The following CMTR1 variants were observed in gnomAD, a reference collection of about 807,000 sequenced individuals.
CMTR1 encodes cap methyltransferase 1.
In CMTR1, 39 loss-of-function variants were observed where a neutral mutation model predicts 107.0. The observed-to-expected ratio is 0.36, with a 90% CI of 0.28 to 0.48. The LOEUF is 0.48. Ranked by LOEUF, CMTR1 falls within the 20% of genes least tolerant of loss-of-function variation. CMTR1 has a pLI of 0.99. For missense variants in CMTR1, 672 were observed against 1,064.9 expected, an observed-to-expected ratio of 0.63 and a Z score of 5.14; for synonymous variants, 366 against 379.5, an observed-to-expected ratio of 0.96 and a Z score of 0.41.
upstream of CMTR1, among the ~76,000 whole-genome samples, chr6:37,430,536 T>C (rs1771347969): frequency 6.6e-6 from 1 of 152,110 alleles, no homozygotes; most frequent in Non-Finnish European, 1.5e-5. Context: ...CCTTTTATTT[T>C]GATGAACTCC....
chr6:37,479,009 G>A, intron 22 of CMTR1, 138 bp from the exon 23 acceptor site: 1 of 621,564 alleles, frequency 1.6e-6, no homozygotes, highest in Non-Finnish European at 2.9e-6. Context: ...GATGAAGGCT[G>A]CTGCCTCACG....
chr6:37,428,528 G>A (rs1315429587), upstream of CMTR1, among the ~76,000 whole-genome samples: 1 of 152,102 alleles, frequency 6.6e-6, no homozygotes, highest in East Asian at 1.9e-4. Flanking sequence ...TGTGATCTCT[G>A]CTTACTCCAA....
At chr6:37,462,783 G>A (rs1251287210) in intron 12 of CMTR1, 46 bp from the exon 13 acceptor site, 1 of 1,582,592 alleles carries the variant, frequency 6.3e-7, no homozygotes, top group African/African-American at 1.3e-5. Flanking sequence ...GGAATGTATG[G>A]GGAGGAAGCC....
At chr6:37,441,605 G>A (rs977486770) in intron 2 of CMTR1, among the ~76,000 whole-genome samples, 30 of 152,020 alleles carry the variant, frequency 2.0e-4, no homozygotes, top group African/African-American at 7.0e-4. Flanking sequence ...GTAGAGACAG[G>A]GTTTCTCCAT....
At chr6:37,468,059 G>C (rs1168822801) in intron 13 of CMTR1, among the ~76,000 whole-genome samples, 1 of 147,690 alleles carries the variant, frequency 6.8e-6, no homozygotes, top group Non-Finnish European at 1.5e-5. Flanking sequence ...TTTTGTGGGG[G>C]GGGGGACTAA....
chr6:37,430,977 C>A (rs1031121690), upstream of CMTR1, among the ~76,000 whole-genome samples: 3 of 141,640 alleles, frequency 2.1e-5, no homozygotes, highest in African/African-American at 5.4e-5. Context: ...TGTGCCACTG[C>A]ACTCCAGCCT....
At position 37,458,746 on chromosome 6, in the gene CMTR1, C is replaced by A. The variant is rs1478915621; in HGVS notation, c.912C>A (p.Gly304=). ...AGGGCTTTGGAATGACTTTGAAGGGCCCTAATGACTTCAAGCTGGAGGACT... is the reference window on the plus strand; with the variant it reads ...AGGGCTTTGGAATGACTTTGAAGGGACCTAATGACTTCAAGCTGGAGGACT... ...HAKGFGMTLK[G]PNDFKLEDFY... is the part of the protein sequence containing the mutation. The change falls in exon 9 of 24, where the codon GGC becomes GGA. Residue 304 remains glycine, a synonymous_variant. Transcript: ENST00000373451. This position sits in a 1 kb window ranked among gnomAD's most constrained non-coding sequence, Gnocchi z 4.7. 1.2e-6 allele frequency: 2 copies of A among 1,614,078 alleles called. No homozygotes were observed. Among genetic ancestry groups the A allele is most frequent in the Admixed American group, 1.7e-5 (1 of 60,018 alleles).
chr6:37,471,719 A>T, intron 14 of CMTR1, 128 bp from the exon 15 acceptor site: 4 of 717,258 alleles, frequency 5.6e-6, no homozygotes, highest in Non-Finnish European at 9.3e-6. Context: ...CAGTGGCAGC[A>T]TAGTGTCTGT....
rs751822397 is a variant in CMTR1, at chr6:37,451,888, G to A, written c.609+11G>A. ...GTGTTGCAGTGTAAGGTAAGGTCTT[G>A]TGGCTAGAACCAGATAATGAAAACC... On this transcript the variant is annotated intron_variant, in intron 6 of 23. Coordinates refer to ENST00000373451, the MANE Select transcript of CMTR1 (RefSeq NM_015050.3). The A allele has an allele frequency of 2.5e-6, 4 of 1,609,240 alleles. No homozygotes were observed. The highest frequency in any genetic ancestry group is 3.4e-6 in the Non-Finnish European group (4 of 1,176,994).
At chr6:37,438,278 A>T (rs1422570765) in intron 2 of CMTR1, among the ~76,000 whole-genome samples, 2 of 152,104 alleles carry the variant, frequency 1.3e-5, no homozygotes, top group East Asian at 3.9e-4. Flanking sequence ...TACTCGGGAG[A>T]CTGAGGTGGG....
At chr6:37,446,514 A>G in intron 4 of CMTR1, 65 bp downstream of exon 4, 1 of 1,544,458 alleles carries the variant, frequency 6.5e-7, no homozygotes, top group South Asian at 1.2e-5. Context: ...GGCTTTAAGA[A>G]GCCATATCAA....
At chr6:37,459,733 T>G (rs776521307) in intron 10 of CMTR1, 49 bp downstream of exon 10, 6 of 1,340,124 alleles carry the variant, frequency 4.5e-6, no homozygotes, top group Non-Finnish European at 3.2e-6. Flanking sequence ...TTTGTTATTT[T>G]AGAGGTTTGA....
Position 37,480,784 on chromosome 6 carries a change from T to G in CMTR1, c.*639T>G. 1 of 1,087,864 alleles carries G rather than the reference T, an allele frequency of 9.2e-7. No individual in the cohort carries two copies. Among genetic ancestry groups the G allele is most frequent in the Non-Finnish European group, 1.1e-6 (1 of 890,830 alleles). 67.4% of individuals were successfully genotyped at this position (1,087,864 alleles called of 1,614,324 possible). A position where few individuals can be genotyped will look rare whatever the true frequency, so the allele number is the denominator to read the frequency against. ...GTCCAGCAGGGTGGGAAGGAGGGAG[T>G]TTGGGCAAACTCTCATCCCTGATAC... On this transcript the variant is annotated 3_prime_UTR_variant, in exon 24 of 24. Coordinates refer to ENST00000373451, the MANE Select transcript of CMTR1 (RefSeq NM_015050.3).
chr6:37,468,075 T>C (rs994677078), intron 13 of CMTR1, among the ~76,000 whole-genome samples: 2 of 150,818 alleles, frequency 1.3e-5, no homozygotes, highest in Admixed American at 6.6e-5. Context: ...ACTAATTCAG[T>C]ATTTTTTAAT....
intron 21 of CMTR1, among the ~76,000 whole-genome samples, 175 bp downstream of exon 21, chr6:37,477,814 C>T (rs564968657): frequency 6.6e-6 from 1 of 152,336 alleles, no homozygotes; most frequent in East Asian, 1.9e-4. Flanking sequence ...AAGAGTCCCC[C>T]AGCTGACAGC....
chr6:37,451,198 G>T (rs1411208818), intron 5 of CMTR1, among the ~76,000 whole-genome samples: 1 of 151,792 alleles, frequency 6.6e-6, no homozygotes. Context: ...CTAGATAATA[G>T]ATTACCTGTC....
chr6:37,431,869 G>A (rs374671306), upstream of CMTR1, among the ~76,000 whole-genome samples: 2 of 152,190 alleles, frequency 1.3e-5, 1 homozygote, highest in Admixed American at 1.3e-4. Flanking sequence ...AGGCTGGAGT[G>A]CAGTGGTGCA....
At chr6:37,442,599 A>T (rs981774468) in intron 2 of CMTR1, among the ~76,000 whole-genome samples, 1 of 152,330 alleles carries the variant, frequency 6.6e-6, no homozygotes, top group Non-Finnish European at 1.5e-5. Context: ...CTCTAAGGCA[A>T]TGTGATGAGT....
chr6:37,431,326 C>A (rs374618214), upstream of CMTR1, among the ~76,000 whole-genome samples: 6 of 152,286 alleles, frequency 3.9e-5, no homozygotes, highest in African/African-American at 1.4e-4. Context: ...TGTCATAATG[C>A]ATGCTAAGAA....
Sources: gnomAD v4.1 joint callset for allele counts (sites outside exome capture counted in the v4.1 genomes callset) on GRCh38, gnomAD v4.1.1 for gene constraint, Gnocchi (gnomAD v3.1) non-coding constraint, MANE v1.5 for transcripts, NCBI Gene and HGNC (gene_info 2026-07-23, HGNC 2026-07-21) for gene names.